The following STT3A variants were observed in gnomAD, a reference collection of about 807,000 sequenced individuals.
STT3A encodes the protein STT3 oligosaccharyltransferase complex catalytic subunit A, also known as dolichyl-diphosphooligosaccharide--protein glycosyltransferase subunit STT3A.
STT3A carries 34 observed loss-of-function variants against 89.2 expected under a neutral mutation model. That is an observed-to-expected ratio of 0.38 (90% CI 0.29 to 0.51). STT3A has a LOEUF of 0.51. Among genes scored for constraint, STT3A ranks in the 20% least tolerant of loss-of-function variants. STT3A has a pLI of 0.89. For synonymous variants in STT3A, 282 were observed against 310.3 expected (o/e 0.91, Z 0.96); for missense variants, 555 against 889.5 (o/e 0.62, Z 4.78).
chr11:125,613,712 C>A lies in STT3A; in HGVS notation c.1555-375C>A, dbSNP rs1032839655. The stretch of plus-strand genomic sequence containing the variant: ...CGTATCATGTGATTTGAGTTTCCAC[C>A]CCATCTTTATAGTAAGTGATTTTTG... On this transcript the variant is annotated intron_variant, in intron 13 of 17. Transcript: ENST00000392708. The surrounding 1 kb of genome is among the most constrained non-coding windows in gnomAD (Gnocchi z 4.2). The A allele has an allele frequency of 2.3e-5, 4 of 174,270 alleles. No homozygotes were observed. The highest frequency in any genetic ancestry group is 9.6e-5 in the African/African-American group (4 of 41,884). 10.8% of individuals were successfully genotyped at this position (174,270 alleles called of 1,614,324 possible).
rs754547148 is a variant in STT3A, at chr11:125,597,060, C to G, written c.90C>G (p.Ser30=). The change falls in exon 3 of 18, where the codon TCC becomes TCG. Residue 30 remains serine (S), a splice_region_variant and synonymous_variant. Coordinates refer to ENST00000392708, the MANE Select transcript of STT3A (RefSeq NM_152713.5). The stretch of plus-strand genomic sequence containing the variant: ...ATATTAACTCTCTGGTTTTTGCAGC[C>G]TTCTCCACTCGTCTGTTTGCTGTCC... ...LLILSMAAVL[S]FSTRLFAVLR... 8 of 1,613,864 alleles carry G rather than the reference C, an allele frequency of 5.0e-6. No homozygotes were observed. Among genetic ancestry groups the G allele is most frequent in the Non-Finnish European group, 5.9e-6 (7 of 1,179,982 alleles).
At chr11:125,607,548 T>C (rs1591375566) in intron 8 of STT3A, among the ~76,000 whole-genome samples, 1 of 152,166 alleles carries the variant, frequency 6.6e-6, no homozygotes, top group East Asian at 1.9e-4. Context: ...AGCTAGAAAC[T>C]TGTTAGAAAT....
intron 3 of STT3A, among the ~76,000 whole-genome samples, chr11:125,600,959 A>T (rs1591372076): frequency 6.6e-6 from 1 of 151,440 alleles, no homozygotes; most frequent in Non-Finnish European, 1.5e-5. Context: ...GCTAATTTTT[A>T]AAAAATGTTT....
At chr11:125,599,725 T>TATG (rs940759289) in intron 3 of STT3A, among the ~76,000 whole-genome samples, 5 of 147,928 alleles carry the variant, frequency 3.4e-5, no homozygotes, top group African/African-American at 1.2e-4. Flanking sequence ...TATTTTTATT[T>TATG]ATTATTATTA....
At chr11:125,611,863 A>AT (rs59685125) in intron 11 of STT3A, among the ~76,000 whole-genome samples, 2,893 of 56,886 alleles carry the variant, frequency 0.051, 651 homozygotes, top group Non-Finnish European at 0.071. Flanking sequence ...AGGGATTTGA[A>AT]TTTTTTTTTT....
At chr11:125,612,783 C>CTG (rs368068379) in intron 12 of STT3A, 36 bp downstream of exon 12, 313 of 1,563,450 alleles carry the variant, frequency 2.0e-4, no homozygotes, top group East Asian at 1.0e-3. Flanking sequence ...TTGGGAAACT[C>CTG]TGTGTGTGTG....
At position 125,609,575 on chromosome 11, in the gene STT3A, T is replaced by C; in HGVS notation, c.1103T>C (p.Val368Ala). 6.2e-7 allele frequency: 1 copy of C among 1,612,542 alleles called. No homozygotes were observed. The highest frequency in any genetic ancestry group is 8.5e-7 in the Non-Finnish European group (1 of 1,179,652). ...SSYYFDLQLL[V>A]FMFPVGLYYC... ...TACTATTTTGACCTGCAGCTCCTCG[T>C]CTTCATGTTTCCAGGTATGTGGCCT... The change falls in exon 10 of 18, where the codon GTC becomes GCC. Residue 368 changes from valine (V) to alanine (A), a missense_variant. By Grantham distance (64) the Val-to-Ala change is moderately conservative. Coordinates refer to ENST00000392708, the MANE Select transcript of STT3A (RefSeq NM_152713.5).
In STT3A at chr11:125,621,866, G is replaced by T. The variant is rs1369650332; in HGVS notation, c.*1056G>T. Reference sequence around the variant, plus strand: ...TAAGCCTGGGCAACATAAGGAGATTGTTTCTATGAAAAATAAAAATTAGCC... The same window carrying T: ...TAAGCCTGGGCAACATAAGGAGATTTTTTCTATGAAAAATAAAAATTAGCC... On this transcript the variant is annotated 3_prime_UTR_variant, in exon 18 of 18. Transcript: ENST00000392708. The T allele has an allele frequency of 1.3e-5, 2 of 152,126 alleles. No individual in the cohort carries two copies. Among genetic ancestry groups the T allele is most frequent in the East Asian group, 3.8e-4 (2 of 5,196 alleles). 9.4% of individuals were successfully genotyped at this position (152,126 alleles called of 1,614,324 possible).
intron 3 of STT3A, among the ~76,000 whole-genome samples, chr11:125,598,418 G>T (rs1330068607): frequency 6.6e-6 from 1 of 152,092 alleles, no homozygotes; most frequent in Admixed American, 6.5e-5. Flanking sequence ...AATATTATTG[G>T]TATCTTAAAA....
rs756660559 is a variant in STT3A at position 125,614,214 on chromosome 11, G to T, written c.1671+11G>T. On this transcript the variant is annotated intron_variant, in intron 14 of 17. Coordinates refer to ENST00000392708, the MANE Select transcript of STT3A (RefSeq NM_152713.5). The surrounding 1 kb of genome is among the most constrained non-coding windows in gnomAD (Gnocchi z 4.9). ...TCTCGAGTAGGGCAGGTAAGATAAAGGGATGATCTTTGAGTGTTTGGTGTA... is the reference window on the plus strand; with the variant it reads ...TCTCGAGTAGGGCAGGTAAGATAAATGGATGATCTTTGAGTGTTTGGTGTA... The T allele has an allele frequency of 6.2e-7, 1 of 1,613,298 alleles. No homozygotes were observed. Among genetic ancestry groups the T allele is most frequent in the African/African-American group, 1.3e-5 (1 of 74,898 alleles).
chr11:125,620,524 T>A (rs1208103384), intron 17 of STT3A, among the ~76,000 whole-genome samples: 1 of 152,196 alleles, frequency 6.6e-6, no homozygotes, highest in Non-Finnish European at 1.5e-5. Context: ...ATATCTCTCA[T>A]ATAAGAAAAG....
At chr11:125,604,342 G>T in intron 6 of STT3A, 95 bp downstream of exon 6, 1 of 1,219,048 alleles carries the variant, frequency 8.2e-7, no homozygotes, top group Non-Finnish European at 1.2e-6. Context: ...AATAAAAATG[G>T]TAACTGGGTG....
intron 9 of STT3A, 72 bp downstream of exon 9, chr11:125,608,361 C>G: frequency 6.8e-7 from 1 of 1,473,064 alleles, no homozygotes; most frequent in Non-Finnish European, 9.0e-7. Flanking sequence ...GTTGCCCAGG[C>G]CGGAGTGCAG....
At chr11:125,597,206 A>G (rs1939523188) in intron 3 of STT3A, 87 bp downstream of exon 3, 2 of 1,351,382 alleles carry the variant, frequency 1.5e-6, no homozygotes, top group Non-Finnish European at 2.1e-6. Context: ...GTCAGCTCTC[A>G]GTGATAGAGA....
chr11:125,599,004 C>G (rs1357252565), intron 3 of STT3A, among the ~76,000 whole-genome samples: 5 of 152,220 alleles, frequency 3.3e-5, no homozygotes, highest in African/African-American at 1.2e-4. Flanking sequence ...GCAAGAGCAT[C>G]TGCTTTGTCG....
At chr11:125,593,484 A>G (rs1939381550) in intron 1 of STT3A, 4 of 152,212 alleles carry the variant, frequency 2.6e-5, no homozygotes, top group South Asian at 2.1e-4. Context: ...GCGGTGTGCG[A>G]AAGTGACCAA....
chr11:125,599,975 C>T (rs1341731895), intron 3 of STT3A, among the ~76,000 whole-genome samples: 1 of 151,180 alleles, frequency 6.6e-6, no homozygotes, highest in Non-Finnish European at 1.5e-5. Flanking sequence ...GCGATCCATC[C>T]ACCTCTGCCT....
Position 125,618,546 on chromosome 11 carries a change from G to T in STT3A, c.1948G>T (p.Val650Phe), listed in dbSNP as rs755815010. 2 of 1,612,150 alleles carry T rather than the reference G, an allele frequency of 1.2e-6. No homozygotes were observed. Among genetic ancestry groups the T allele is most frequent in the South Asian group, 1.1e-5 (1 of 90,650 alleles). ...YKMCYYRFGQ[V>F]YTEAKRPPGF... ...GATGTGTTACTATCGCTTTGGACAG[G>T]TTTACACAGAAGCCAGTGAGTGACT... The change falls in exon 16 of 18, where the codon GTT becomes TTT. Residue 650 changes from valine (V) to phenylalanine (F), a missense_variant. Physicochemically the swap from Val to Phe is conservative, Grantham distance 50. Transcript: ENST00000392708.
At position 125,611,863 on chromosome 11, in the gene STT3A, A is replaced by ATTTTTTTTTTTTTTTTTTTTTTTT. The variant is rs59685125; in HGVS notation, c.1209+352_1209+375dup. On this transcript the variant is annotated intron_variant, in intron 11 of 17. Transcript: ENST00000392708. ...CTAGATTGTTAGAGGAGGGATTTGA[A>ATTTTTTTTTTTTTTTTTTTTTTTT]TTTTTTTTTTTTTTTTTTTTTTTTT... 3.5e-5 allele frequency among the ~76,000 whole-genome samples: 2 copies of ATTTTTTTTTTTTTTTTTTTTTTTT among 56,932 alleles called. 1 individual carries two copies. The highest frequency in any genetic ancestry group is 6.4e-5 in the Non-Finnish European group (2 of 31,206). 37.3% of individuals were successfully genotyped at this position (56,932 alleles called of 152,430 possible).
Sources: gnomAD v4.1 joint callset for allele counts (sites outside exome capture counted in the v4.1 genomes callset) on GRCh38, gnomAD v4.1.1 for gene constraint, Gnocchi (gnomAD v3.1) non-coding constraint, MANE v1.5 for transcripts, NCBI Gene and HGNC (gene_info 2026-07-23, HGNC 2026-07-21) for gene names.